AFG2A: variants seen among roughly 807,000 people sequenced by gnomAD.
The protein encoded by AFG2A is AAA ATPase AFG2A.
At chr4:123,269,570 G>A in the AFG2A span, among the ~76,000 whole-genome samples, 1 of 152,128 alleles carries the variant, frequency 6.6e-6, no homozygotes, top group South Asian at 2.1e-4. Flanking sequence ...CATTGCCTTG[G>A]TTTCAAATAA....
chr4:122,963,669 G>T, the AFG2A span, among the ~76,000 whole-genome samples: 2 of 152,292 alleles, frequency 1.3e-5, no homozygotes, highest in East Asian at 3.9e-4. Context: ...TCCCTACTTG[G>T]GAGGTCATGG....
At chr4:123,034,060 T>G in the AFG2A span, among the ~76,000 whole-genome samples, 2 of 152,082 alleles carry the variant, frequency 1.3e-5, no homozygotes, top group Non-Finnish European at 2.9e-5. Flanking sequence ...CAGTTGATGC[T>G]TTGAACAACA....
At chr4:123,099,582 G>A in the AFG2A span, among the ~76,000 whole-genome samples, 1 of 151,396 alleles carries the variant, frequency 6.6e-6, no homozygotes, top group Non-Finnish European at 1.5e-5. Context: ...GTTTTCTGAA[G>A]ATACATTATA....
the AFG2A span, chr4:122,936,221 T>C: frequency 8.1e-7 from 1 of 1,234,708 alleles, no homozygotes; most frequent in South Asian, 1.5e-5. Flanking sequence ...AGTGAGATAC[T>C]AGCACCTTAT....
At chr4:123,154,633 C>G in the AFG2A span, among the ~76,000 whole-genome samples, 2 of 152,150 alleles carry the variant, frequency 1.3e-5, no homozygotes, top group Non-Finnish European at 2.9e-5. Flanking sequence ...CTAGCTTTGT[C>G]AGTTAGTAGC....
the AFG2A span, among the ~76,000 whole-genome samples, chr4:123,294,154 G>T: frequency 2.0e-5 from 3 of 152,166 alleles, no homozygotes; most frequent in Non-Finnish European, 4.4e-5. Flanking sequence ...GTGATGTTGC[G>T]TGGAGCTGAA....
chr4:122,947,201 A>G, the AFG2A span: 1 of 1,495,614 alleles, frequency 6.7e-7, no homozygotes, highest in East Asian at 2.5e-5. Context: ...AACTTTCAGA[A>G]AAATAAATTT....
At chr4:123,273,181 A>T in the AFG2A span, among the ~76,000 whole-genome samples, 2 of 152,142 alleles carry the variant, frequency 1.3e-5, no homozygotes, top group African/African-American at 4.8e-5. Flanking sequence ...AGTCTGTTCC[A>T]CTAATCTTTA....
chr4:123,152,298 T>C, the AFG2A span, among the ~76,000 whole-genome samples: 8 of 152,072 alleles, frequency 5.3e-5, no homozygotes, highest in East Asian at 1.5e-3. Context: ...ACTTAAAGTA[T>C]AATAATAAGA....
At chr4:122,938,052 TAAAA>T in the AFG2A span, 1 of 1,377,758 alleles carries the variant, frequency 7.3e-7, no homozygotes, top group Non-Finnish European at 9.6e-7. Flanking sequence ...GCATTTCAGT[TAAAA>T]AAATTAAAAC....
chr4:122,939,071 C>CTCTCTTTTTTTTTTTTTTTTTTTTTTT, the AFG2A span, among the ~76,000 whole-genome samples: 25 of 76,210 alleles, frequency 3.3e-4, 12 homozygotes, highest in Non-Finnish European at 1.5e-4. Flanking sequence ...GGGATATGTT[C>CTCTCTTTTTTTTTTTTTTTTTTTTTTT]TTTCTTTTTT....
chr4:123,275,381 C>G, the AFG2A span, among the ~76,000 whole-genome samples: 1 of 152,032 alleles, frequency 6.6e-6, no homozygotes, highest in Non-Finnish European at 1.5e-5. Flanking sequence ...TTTTTTATGA[C>G]TTTGGTCTCT....
chr4:123,259,417 C>T, the AFG2A span, among the ~76,000 whole-genome samples: 1 of 152,258 alleles, frequency 6.6e-6, no homozygotes, highest in South Asian at 2.1e-4. Flanking sequence ...AAGGGGAATA[C>T]AGCCGTTAGG....
the AFG2A span, among the ~76,000 whole-genome samples, chr4:123,214,267 G>A: frequency 1.3e-5 from 2 of 152,048 alleles, 1 homozygote; most frequent in South Asian, 4.1e-4. Flanking sequence ...AAAGGTCACT[G>A]GGGTTCAAAG....
At chr4:123,036,320 T>G in the AFG2A span, among the ~76,000 whole-genome samples, 1 of 152,134 alleles carries the variant, frequency 6.6e-6, no homozygotes, top group Non-Finnish European at 1.5e-5. Flanking sequence ...AAATTTTTAC[T>G]GTCAATGACT....
the AFG2A span, among the ~76,000 whole-genome samples, chr4:123,004,141 C>T: frequency 5.9e-5 from 9 of 152,294 alleles, no homozygotes; most frequent in South Asian, 2.1e-4. Flanking sequence ...CCTGGTGCGC[C>T]GTTTCCTAAG....
chr4:123,309,804 A>G, the AFG2A span, among the ~76,000 whole-genome samples: 6 of 152,244 alleles, frequency 3.9e-5, no homozygotes, highest in Non-Finnish European at 8.8e-5. Flanking sequence ...CAAAATCTGT[A>G]ACATGTCTGG....
the AFG2A span, among the ~76,000 whole-genome samples, chr4:123,309,088 G>C: frequency 6.6e-6 from 1 of 152,156 alleles, no homozygotes; most frequent in Non-Finnish European, 1.5e-5. Context: ...TGCCCTGATT[G>C]AGTTGTTTGG....
At chr4:122,998,131 A>C in the AFG2A span, among the ~76,000 whole-genome samples, 801 of 152,232 alleles carry the variant, frequency 5.3e-3, 7 homozygotes, top group African/African-American at 0.018. Flanking sequence ...TGAAGCACAA[A>C]AGTTTAAAAA....
Sources: gnomAD v4.1 joint callset for allele counts (sites outside exome capture counted in the v4.1 genomes callset) on GRCh38, gnomAD v4.1.1 for gene constraint, MANE v1.5 for transcripts, NCBI Gene and HGNC (gene_info 2026-07-23, HGNC 2026-07-21) for gene names.